The following HK1 variants were observed in gnomAD, a reference collection of about 807,000 sequenced individuals.
HK1 encodes the protein hexokinase-1.
Under a neutral mutation model 91.6 loss-of-function variants are expected in HK1, and 28 were observed. That is an observed-to-expected ratio of 0.31 (90% confidence interval 0.23 to 0.42). The LOEUF is 0.42. HK1 is among the 10% of genes least tolerant of loss of function. The pLI is 1.00. For synonymous variants in HK1, 430 were observed against 468.1 expected, an observed-to-expected ratio of 0.92 and a Z score of 1.05; for missense variants, 770 against 1,219.8, an observed-to-expected ratio of 0.63 and a Z score of 5.49.
Position 69,300,510 on chromosome 10 carries a change from C to T in HK1, c.-66-259C>T, listed in dbSNP as rs535008503. ...GGTCCATGATGCCAGCTGAGACTGT[C>T]AGTACAATGAAATCAAACTGGCCAG... is the stretch of plus-strand genomic sequence containing the variant. On this transcript the variant is annotated intron_variant, in intron 4 of 21. Coordinates refer to the HK1 transcript ENST00000360289. 3.0e-5 allele frequency: 23 copies of T among 768,546 alleles called. No individual in the cohort carries two copies. In the African/African-American group the frequency reaches 4.0e-4, roughly 13 times the overall value. The allele number at this position is 768,546 out of a possible 1,614,324, so 47.6% of individuals were successfully genotyped here. A position where few individuals can be genotyped will look rare whatever the true frequency, so the allele number is the denominator to read the frequency against.
Position 69,384,780 on chromosome 10 carries a change from T to C in HK1, c.1720-16T>C. On this transcript the variant is annotated splice_polypyrimidine_tract_variant and intron_variant, in intron 11 of 17. Transcript: ENST00000359426. Reference sequence around the variant, plus strand: ...AACCACAGAGAGCACGGGCGATCCTTTCTTTTCCCCTGCAGCTGTTTGATC... The same window carrying C: ...AACCACAGAGAGCACGGGCGATCCTCTCTTTTCCCCTGCAGCTGTTTGATC... The C allele has an allele frequency of 6.2e-7, 1 of 1,614,204 alleles. No homozygotes were observed. Among genetic ancestry groups the C allele is most frequent in the Non-Finnish European group, 8.5e-7 (1 of 1,180,016 alleles).
intron 1 of HK1, among the ~76,000 whole-genome samples, chr10:69,320,025 A>G (rs981307879): frequency 5.3e-5 from 8 of 152,134 alleles, no homozygotes; most frequent in African/African-American, 9.7e-5. Context: ...GTGGAGTTCT[A>G]CAGGTGAAAG....
At chr10:69,355,669 G>C (rs1000905527) in intron 2 of HK1, among the ~76,000 whole-genome samples, 1 of 152,142 alleles carries the variant, frequency 6.6e-6, no homozygotes, top group Non-Finnish European at 1.5e-5. Context: ...GCACACGCCT[G>C]TAATCCTAGC....
chr10:69,307,404 T>C (rs1242820962), intron 5 of HK1, among the ~76,000 whole-genome samples: 1 of 152,178 alleles, frequency 6.6e-6, no homozygotes, highest in African/African-American at 2.4e-5. Context: ...CCAGATCCAC[T>C]TGCCACGCTT....
chr10:69,317,244 C>T (rs756071751), upstream of HK1, among the ~76,000 whole-genome samples: 11 of 152,266 alleles, frequency 7.2e-5, no homozygotes, highest in East Asian at 3.9e-4. Context: ...ACGTATTTTG[C>T]GTACAGTATT....
rs141417846 is a variant in HK1, at chr10:69,288,263, G to A, written c.-214-408G>A. Among the ~76,000 whole-genome samples, 6 of 152,272 alleles carry A rather than the reference G, an allele frequency of 3.9e-5. No individual in the cohort carries two copies. In the East Asian group the frequency reaches 1.2e-3, roughly 29 times the overall value. On this transcript the variant is annotated intron_variant, in intron 2 of 21. Transcript: ENST00000360289. ...AGCAGAGAAGGTTGTAGTTGGTGACGAGGTACCACTTCCAGACCAGGCTCC... is the reference window on the plus strand; with the variant it reads ...AGCAGAGAAGGTTGTAGTTGGTGACAAGGTACCACTTCCAGACCAGGCTCC...
intron 1 of HK1, among the ~76,000 whole-genome samples, chr10:69,272,838 T>C (rs540193330): frequency 7.0e-4 from 106 of 152,106 alleles, no homozygotes; most frequent in African/African-American, 2.4e-3. Context: ...TGTGGGTTAA[T>C]ATCTTTCATT....
At chr10:69,312,063 A>C (rs533286356), upstream of HK1, among the ~76,000 whole-genome samples, 56 of 152,250 alleles carry the variant, frequency 3.7e-4, no homozygotes, top group African/African-American at 1.3e-3. Context: ...TTTACCTTCA[A>C]AGGGGAGTAG....
At position 69,301,910 on chromosome 10, in the gene HK1, C is replaced by A. The variant is rs567026085; in HGVS notation, c.27+1049C>A. 2.0e-5 allele frequency among the ~76,000 whole-genome samples: 3 copies of A among 152,142 alleles called. No homozygotes were observed. The South Asian group carries it at 6.2e-4, about 32-fold the overall frequency. On this transcript the variant is annotated intron_variant, in intron 5 of 21. Transcript: ENST00000360289. Reference sequence around the variant, plus strand: ...AGGGGTGCCGAATAGCCAAAACAATCTTGAATAAGAAGAAAGAGAACTCAC... The same window carrying A: ...AGGGGTGCCGAATAGCCAAAACAATATTGAATAAGAAGAAAGAGAACTCAC...
intron 1 of HK1, chr10:69,278,769 A>G (rs1844588227): frequency 6.6e-6 from 1 of 152,128 alleles, no homozygotes. Flanking sequence ...AAAGGCTTGA[A>G]TTCAATGGAC....
intron 2 of HK1, among the ~76,000 whole-genome samples, chr10:69,285,867 A>G (rs1845005225): frequency 6.6e-6 from 1 of 152,192 alleles, no homozygotes; most frequent in Non-Finnish European, 1.5e-5. Context: ...ATGACCTTCA[A>G]AGCGAATGCC....
chr10:69,303,261 G>A (rs910904865), intron 5 of HK1, among the ~76,000 whole-genome samples: 1 of 152,034 alleles, frequency 6.6e-6, no homozygotes, highest in Admixed American at 6.6e-5. Flanking sequence ...CTATTTTGTT[G>A]CTTTGTTTTG....
chr10:69,336,929 G>C (rs1223242013), intron 1 of HK1, among the ~76,000 whole-genome samples: 1 of 152,146 alleles, frequency 6.6e-6, no homozygotes, highest in East Asian at 1.9e-4. Context: ...ACAAGCGTGA[G>C]CCACCGTGCC....
At chr10:69,351,567 C>A (rs542170107) in intron 2 of HK1, among the ~76,000 whole-genome samples, 178 of 152,266 alleles carry the variant, frequency 1.2e-3, no homozygotes, top group Admixed American at 3.7e-3. Context: ...TATAAGGAAT[C>A]ATGGAAGTTG....
intron 8 of HK1, 88 bp downstream of exon 8, chr10:69,377,177 T>C (rs900154531): frequency 3.9e-5 from 58 of 1,495,422 alleles, no homozygotes; most frequent in Non-Finnish European, 5.4e-5. Context: ...CCAAGTTTGG[T>C]GGCTTTTCCT....
intron 5 of HK1, among the ~76,000 whole-genome samples, chr10:69,305,202 A>T (rs1009309662): frequency 6.6e-6 from 1 of 152,188 alleles, no homozygotes; most frequent in Non-Finnish European, 1.5e-5. Flanking sequence ...AGAAGCAGGA[A>T]AGCCACAGAA....
intron 2 of HK1, among the ~76,000 whole-genome samples, chr10:69,356,733 A>G (rs1294556820): frequency 2.6e-5 from 4 of 152,038 alleles, no homozygotes; most frequent in African/African-American, 9.7e-5. Context: ...AAATACAAAA[A>G]TTAGCCAGGC....
In HK1 at chr10:69,364,798, G is replaced by A; in HGVS notation, c.391G>A (p.Ala131Thr). 1 of 1,614,142 alleles carries A rather than the reference G, an allele frequency of 6.2e-7. No homozygotes were observed. Among genetic ancestry groups the A allele is most frequent in the Non-Finnish European group, 8.5e-7 (1 of 1,180,012 alleles). The stretch of plus-strand genomic sequence containing the variant: ...TTTCCTTCAGCTTTTTGATCATGTT[G>A]CTGAGTGCCTGGGAGATTTCATGGA... ...GSGSQLFDHV[A>T]ECLGDFMEKR... The change falls in exon 4 of 18, where the codon GCT becomes ACT. Residue 131 changes from alanine to threonine, a missense_variant. Physicochemically the swap from Ala to Thr is moderately conservative, Grantham distance 58. This residue lies in a region of HK1 where 449 missense variants were observed against 665.1 expected (regional missense o/e 0.68). Coordinates refer to ENST00000359426, the MANE Select transcript of HK1 (RefSeq NM_000188.3).
At chr10:69,349,069 G>A (rs1336041587) in intron 2 of HK1, among the ~76,000 whole-genome samples, 1 of 152,210 alleles carries the variant, frequency 6.6e-6, no homozygotes, top group Non-Finnish European at 1.5e-5. Context: ...TGTGAGGAAA[G>A]GTCACAGGCA....
Sources: gnomAD v4.1 joint callset for allele counts (sites outside exome capture counted in the v4.1 genomes callset) on GRCh38, gnomAD v4.1.1 for gene constraint, gnomAD v4.1.1 regional missense constraint, MANE v1.5 for transcripts, NCBI Gene and HGNC (gene_info 2026-07-23, HGNC 2026-07-21) for gene names.